GNG2: variants seen among roughly 807,000 people sequenced by gnomAD.
The protein encoded by GNG2 is guanine nucleotide-binding protein G(I)/G(S)/G(O) subunit gamma-2.
In GNG2, 5 loss-of-function variants were observed where a neutral mutation model predicts 5.5. The observed-to-expected ratio is 0.91, with a 90% CI of 0.48 to 1.92. GNG2 has a LOEUF of 1.92. Among genes scored for constraint, GNG2 ranks in the 30% most tolerant of loss-of-function variants. The pLI, the probability that GNG2 is intolerant of heterozygous loss-of-function variation, is 0.01. For missense variants in GNG2, 55 were observed against 88.4 expected (o/e 0.62, Z 1.52); for synonymous variants, 28 against 32.0 (o/e 0.88, Z 0.42).
chr14:51,937,347 T>C (rs1008120260), intron 2 of GNG2, among the ~76,000 whole-genome samples: 5 of 152,172 alleles, frequency 3.3e-5, no homozygotes, highest in African/African-American at 1.2e-4. Context: ...TGGTAAATCT[T>C]GCAGTGTAGA....
intron 2 of GNG2, among the ~76,000 whole-genome samples, chr14:51,836,251 A>G (rs1881329334): frequency 6.6e-6 from 1 of 151,916 alleles, no homozygotes; most frequent in East Asian, 1.9e-4. Flanking sequence ...ATGCCATCAC[A>G]CTGGGGGTTT....
upstream of GNG2, among the ~76,000 whole-genome samples, chr14:51,855,684 A>C (rs1882123084): frequency 1.3e-5 from 2 of 152,192 alleles, no homozygotes; most frequent in Admixed American, 1.3e-4. Flanking sequence ...TTATGACTAC[A>C]TGGATTTACC....
At chr14:51,923,751 C>T (rs1887158270) in intron 2 of GNG2, among the ~76,000 whole-genome samples, 1 of 152,062 alleles carries the variant, frequency 6.6e-6, no homozygotes, top group Non-Finnish European at 1.5e-5. Flanking sequence ...TGTATATAGA[C>T]ATGGAATAGA....
At chr14:51,837,039 A>C (rs1301873570) in intron 2 of GNG2, among the ~76,000 whole-genome samples, 3 of 151,848 alleles carry the variant, frequency 2.0e-5, no homozygotes, top group East Asian at 2.0e-4. Context: ...TGTAGTTTTT[A>C]GTAGAGACGG....
chr14:51,882,119 A>T (rs1179587006), intron 2 of GNG2, among the ~76,000 whole-genome samples: 6 of 152,194 alleles, frequency 3.9e-5, no homozygotes, highest in African/African-American at 1.4e-4. Flanking sequence ...GTAAATAAGG[A>T]TCAAAATAAC....
chr14:51,949,529 T>C (rs1219005847), intron 2 of GNG2, among the ~76,000 whole-genome samples: 1 of 152,196 alleles, frequency 6.6e-6, no homozygotes, highest in African/African-American at 2.4e-5. Context: ...CTAGCAGAAG[T>C]CATTATTTTT....
intron 2 of GNG2, among the ~76,000 whole-genome samples, chr14:51,944,534 CCAGGCCATAATT>C (rs1324860310): frequency 1.3e-5 from 2 of 152,166 alleles, no homozygotes; most frequent in African/African-American, 4.8e-5. Flanking sequence ...ACACAAACAT[CCAGGCCATAATT>C]CAGTGGATAA....
upstream of GNG2, among the ~76,000 whole-genome samples, chr14:51,856,030 G>A (rs1426280157): frequency 6.6e-6 from 1 of 152,052 alleles, no homozygotes; most frequent in Admixed American, 6.6e-5. Flanking sequence ...AAAATTAGCT[G>A]GGCATGGTGG....
chr14:51,943,255 G>T (rs74051357), intron 2 of GNG2, among the ~76,000 whole-genome samples: 2,776 of 152,168 alleles, frequency 0.018, 97 homozygotes, highest in African/African-American at 0.062. Context: ...AAGGTTTTTT[G>T]TTGTTGTTGT....
chr14:51,962,520 C>T (rs2140305068), intron 3 of GNG2, among the ~76,000 whole-genome samples: 1 of 152,172 alleles, frequency 6.6e-6, no homozygotes, highest in Admixed American at 6.5e-5. Flanking sequence ...AGTTCACATA[C>T]CACCCCCCGA....
At chr14:51,844,245 A>G (rs1481154330) in intron 2 of GNG2, among the ~76,000 whole-genome samples, 1 of 152,148 alleles carries the variant, frequency 6.6e-6, no homozygotes, top group African/African-American at 2.4e-5. Flanking sequence ...CCTTAACAAT[A>G]TTTGATTCTC....
rs115741973 is a variant in GNG2, at chr14:51,929,150, C to A, written c.-29-21500C>A. ...CTCTAATGGTAAAGTATTAATTAGA[C>A]CTCTGTAAAATGAATCAGACTCATT... On this transcript the variant is annotated intron_variant, in intron 2 of 3. Transcript: ENST00000556766. Among the ~76,000 whole-genome samples the A allele has an allele frequency of 6.7e-3, 1,027 of 152,254 alleles. 17 individuals carry two copies. The highest frequency in any genetic ancestry group is 0.023 in the African/African-American group (976 of 41,544).
chr14:51,880,971 A>AAG (rs1354847489), intron 2 of GNG2, among the ~76,000 whole-genome samples: 3 of 149,320 alleles, frequency 2.0e-5, no homozygotes, highest in Non-Finnish European at 4.5e-5. Flanking sequence ...AAAAAAGAAA[A>AAG]AAAAAAAAAA....
At chr14:51,926,754 G>A (rs148578150) in intron 2 of GNG2, among the ~76,000 whole-genome samples, 72 of 152,234 alleles carry the variant, frequency 4.7e-4, no homozygotes, top group African/African-American at 1.6e-3. Flanking sequence ...CTTTGCTAAG[G>A]GTCCCTGTTT....
At chr14:51,899,829 T>C (rs1195535755) in intron 2 of GNG2, among the ~76,000 whole-genome samples, 3 of 152,228 alleles carry the variant, frequency 2.0e-5, no homozygotes, top group Non-Finnish European at 2.9e-5. Flanking sequence ...CATGGTAGCA[T>C]GTGTCAGAAT....
chr14:51,960,907 T>C (rs1253643), intron 3 of GNG2, among the ~76,000 whole-genome samples: 141,628 of 152,216 alleles, frequency 0.93, 66,355 homozygotes, highest in Non-Finnish European at 0.99. Context: ...AGTGGTTTTC[T>C]CCTATGCATG....
At chr14:51,897,197 G>A (rs1885252414) in intron 2 of GNG2, among the ~76,000 whole-genome samples, 1 of 152,220 alleles carries the variant, frequency 6.6e-6, no homozygotes, top group South Asian at 2.1e-4. Flanking sequence ...AATATATGTT[G>A]TATACTGCCT....
At chr14:51,872,074 G>C (rs1408696361) in intron 1 of GNG2, among the ~76,000 whole-genome samples, 1 of 152,132 alleles carries the variant, frequency 6.6e-6, no homozygotes, top group Non-Finnish European at 1.5e-5. Flanking sequence ...CTTAAGCCTG[G>C]GTCATACTGT....
chr14:51,956,831 A>G lies in GNG2; in HGVS notation c.87+6066A>G, dbSNP rs898113324. Among the ~76,000 whole-genome samples the G allele has an allele frequency of 2.0e-5, 3 of 152,202 alleles. No individual in the cohort carries two copies. In the South Asian group the frequency reaches 6.2e-4, roughly 32 times the overall value. ...ATGTGTCTCAATTTCAGATGTAATG[A>G]AGATGGATTATATCTCTACCTTCTG... On this transcript the variant is annotated intron_variant, in intron 3 of 3. Coordinates refer to ENST00000556766, the MANE Select transcript of GNG2 (RefSeq NM_053064.5).
Sources: gnomAD v4.1 joint callset for allele counts (sites outside exome capture counted in the v4.1 genomes callset) on GRCh38, gnomAD v4.1.1 for gene constraint, MANE v1.5 for transcripts, NCBI Gene and HGNC (gene_info 2026-07-23, HGNC 2026-07-21) for gene names.